The following MTRR variants were observed in gnomAD, a reference collection of about 807,000 sequenced individuals.
MTRR encodes the protein 5-methyltetrahydrofolate-homocysteine methyltransferase reductase.
Under a neutral mutation model 79.2 loss-of-function variants are expected in MTRR, and 63 were observed. The observed-to-expected ratio is 0.80, with a 90% CI of 0.65 to 0.98. The LOEUF (loss-of-function observed/expected upper bound fraction) is 0.98, where lower values mean the gene tolerates loss of function less well. Among genes scored for constraint, MTRR ranks in the 50% least tolerant of loss-of-function variants. The pLI is 0.00. For missense variants in MTRR, 895 were observed against 839.6 expected, an observed-to-expected ratio of 1.07 and a Z score of -0.82; for synonymous variants, 355 against 313.3, an observed-to-expected ratio of 1.13 and a Z score of -1.41.
At chr5:7,898,012 A>G (rs545877450) in intron 14 of MTRR, among the ~76,000 whole-genome samples, 1 of 152,352 alleles carries the variant, frequency 6.6e-6, no homozygotes. Context: ...CATGAAACAA[A>G]GCAACGTTTT....
intron 8 of MTRR, among the ~76,000 whole-genome samples, chr5:7,887,137 C>G (rs1449201937): frequency 6.6e-6 from 1 of 152,136 alleles, no homozygotes; most frequent in Admixed American, 6.5e-5. Context: ...CTTGCCACTT[C>G]CTACAGTTGT....
Position 7,869,185 on chromosome 5 carries a change from T to C in MTRR, c.-56T>C. On this transcript the variant is annotated 5_prime_UTR_variant, in exon 1 of 15. Coordinates refer to ENST00000440940, the MANE Select transcript of MTRR (RefSeq NM_002454.3). Reference sequence around the variant, plus strand: ...CGCAAGGTTGGTGGAAGTCGCGTTGTGCAGGTTCGTGCCCGGCTGGCGCGG... The same window carrying C: ...CGCAAGGTTGGTGGAAGTCGCGTTGCGCAGGTTCGTGCCCGGCTGGCGCGG... 1 of 1,610,856 alleles carries C rather than the reference T, an allele frequency of 6.2e-7. No homozygotes were observed. The highest frequency in any genetic ancestry group is 8.5e-7 in the Non-Finnish European group (1 of 1,179,812).
At chr5:7,877,825 T>TCATAGTGTTTCTAACAAGTGCATA (rs1486007771) in intron 4 of MTRR, 119 bp from the exon 5 acceptor site, 2 of 1,353,152 alleles carry the variant, frequency 1.5e-6, no homozygotes, top group Non-Finnish European at 2.1e-6. Context: ...CGAATGGTCT[T>TCATAGTGTTTCTAACAAGTGCATA]CATAGTGTTT....
At chr5:7,859,367 TTTTTC>T in intron 1 of MTRR, 3 of 947,406 alleles carry the variant, frequency 3.2e-6, no homozygotes, top group Non-Finnish European at 4.8e-6. Flanking sequence ...TCACATTATA[TTTTTC>T]TTTTAATACT....
chr5:7,895,881 ATGTATTCCT>A, intron 12 of MTRR, 29 bp downstream of exon 12: 1 of 1,613,782 alleles, frequency 6.2e-7, no homozygotes, highest in Non-Finnish European at 8.5e-7. Flanking sequence ...TAATGGGAAA[ATGTATTCCT>A]GAGTAACCGT....
At chr5:7,859,231 C>CTAGTATGTTTGATGTACTAG (rs1746362936) in intron 1 of MTRR, 1 of 348,418 alleles carries the variant, frequency 2.9e-6, no homozygotes, top group African/African-American at 2.1e-5. Flanking sequence ...CAAAAAGTAT[C>CTAGTATGTTTGATGTACTAG]TATGACACTA....
chr5:7,886,782 A>G (rs1579734100), intron 8 of MTRR, 79 bp downstream of exon 8: 1 of 1,157,754 alleles, frequency 8.6e-7, no homozygotes, highest in Middle Eastern at 2.1e-4. Flanking sequence ...CAAATTTAGA[A>G]TATGCCCTTT....
intron 1 of MTRR, among the ~76,000 whole-genome samples, chr5:7,854,825 G>C (rs1351685738): frequency 6.6e-6 from 1 of 152,194 alleles, no homozygotes. Context: ...GAAGAACTTG[G>C]AGTTTGATGT....
intron 5 of MTRR, among the ~76,000 whole-genome samples, chr5:7,880,609 A>G (rs755406198): frequency 6.6e-6 from 1 of 152,112 alleles, no homozygotes; most frequent in Non-Finnish European, 1.5e-5. Flanking sequence ...TAAGGATGTC[A>G]TTTCTCTCAG....
chr5:7,883,274 T>G lies in MTRR; in HGVS notation c.900T>G (p.Ile300Met), dbSNP rs1267218622. 4 of 1,614,218 alleles carry G rather than the reference T, an allele frequency of 2.5e-6. No homozygotes were observed. Among genetic ancestry groups the G allele is most frequent in the Non-Finnish European group, 3.4e-6 (4 of 1,180,034 alleles). The stretch of plus-strand genomic sequence containing the variant: ...CCACTCTGCTGGTAGAATTGGACAT[T>G]TCAGTAAGTTGCAAAATTTATTTCT... ...IKTTLLVELD[I>M]SNTDFSYQPG... Residue 300 changes from isoleucine (I) to methionine (M), a missense_variant, in exon 6 of 15, where the codon ATT becomes ATG. Ile to Met is a conservative substitution (Grantham distance 10, BLOSUM62 1). Coordinates refer to ENST00000440940, the MANE Select transcript of MTRR (RefSeq NM_002454.3).
At chr5:7,883,342 G>T (rs894668099) in intron 6 of MTRR, 65 bp downstream of exon 6, 1 of 1,606,980 alleles carries the variant, frequency 6.2e-7, no homozygotes, top group East Asian at 2.2e-5. Context: ...GAGTTGTGTG[G>T]TGCTTGGTTA....
Position 7,875,410 on chromosome 5 carries a change from C to A in MTRR, c.401+35C>A, listed in dbSNP as rs888901234. The A allele has an allele frequency of 2.7e-6, 4 of 1,457,202 alleles. No individual in the cohort carries two copies. The African/African-American group carries it at 5.6e-5, about 20-fold the overall frequency. 90.3% of individuals were successfully genotyped at this position (1,457,202 alleles called of 1,614,324 possible). A position where few individuals can be genotyped will look rare whatever the true frequency, so the allele number is the denominator to read the frequency against. ...GTGTTCTCTGTTTACTCCAATAAGC[C>A]CTCTATACATGATGGAAGTTGATTT... is the stretch of plus-strand genomic sequence containing the variant. On this transcript the variant is annotated intron_variant, in intron 4 of 14. Transcript: ENST00000440940.
rs1746275285 is a variant in MTRR at position 7,857,291 on chromosome 5, T to A, written n.392-4660T>A. ...TTCAGATCACTTTTGTTTGTACAGG[T>A]ATAGACATACCAATGAATTCATCAG... On this transcript the variant is annotated intron_variant and non_coding_transcript_variant, in intron 1 of 3. Transcript: ENST00000502509. 3.3e-5 allele frequency among the ~76,000 whole-genome samples: 5 copies of A among 152,178 alleles called. No homozygotes were observed. In the South Asian group the frequency reaches 1.0e-3, roughly 32 times the overall value.
At chr5:7,859,293 T>A (rs1434513347) in intron 1 of MTRR, 6 of 478,390 alleles carry the variant, frequency 1.3e-5, no homozygotes, top group Admixed American at 4.0e-5. Context: ...GTATACATAG[T>A]ATAAGGAAAA....
chr5:7,869,267 T>C, intron 1 of MTRR, 52 bp downstream of exon 1: 3 of 1,592,492 alleles, frequency 1.9e-6, no homozygotes, highest in Non-Finnish European at 2.6e-6. Context: ...CGCCCTGCAC[T>C]AATCTCCTGG....
intron 1 of MTRR, among the ~76,000 whole-genome samples, chr5:7,854,377 T>C (rs1042988972): frequency 1.3e-5 from 2 of 151,764 alleles, no homozygotes; most frequent in African/African-American, 4.8e-5. Context: ...TTTTTTTATA[T>C]GGGAGTTTAT....
chr5:7,891,533 C>CCCAAGATGTTAAATTCTATGA, intron 10 of MTRR, 119 bp downstream of exon 10: 1 of 779,880 alleles, frequency 1.3e-6, no homozygotes, highest in Non-Finnish European at 2.2e-6. Context: ...TTATGGAAGA[C>CCCAAGATGTTAAATTCTATGA]AGTACCAGGC....
At chr5:7,890,030 G>A (rs759004549) in intron 9 of MTRR, among the ~76,000 whole-genome samples, 45 of 152,262 alleles carry the variant, frequency 3.0e-4, no homozygotes, top group African/African-American at 8.4e-4. Context: ...AAGACTAAGC[G>A]CTTTATAGGA....
At chr5:7,894,526 G>A (rs1738174298) in intron 11 of MTRR, among the ~76,000 whole-genome samples, 2 of 152,210 alleles carry the variant, frequency 1.3e-5, no homozygotes, top group Admixed American at 6.5e-5. Context: ...AAAGTGTGCT[G>A]TTGTCACAGG....
Sources: gnomAD v4.1 joint callset for allele counts (sites outside exome capture counted in the v4.1 genomes callset) on GRCh38, gnomAD v4.1.1 for gene constraint, MANE v1.5 for transcripts, NCBI Gene and HGNC (gene_info 2026-07-23, HGNC 2026-07-21) for gene names.